WDR44: variants seen among roughly 807,000 people sequenced by gnomAD.
WDR44 encodes WD repeat-containing protein 44.
In WDR44, 9 loss-of-function variants were observed where a neutral mutation model predicts 65.7. The observed-to-expected ratio is 0.14, with a 90% CI of 0.08 to 0.24. The LOEUF (loss-of-function observed/expected upper bound fraction) is 0.24, where lower values mean the gene tolerates loss of function less well. WDR44 is among the 10% of genes least tolerant of loss of function. WDR44 has a pLI of 1.00. For synonymous variants in WDR44, 220 were observed against 235.2 expected, an observed-to-expected ratio of 0.94 and a Z score of 0.59; for missense variants, 425 against 670.9, an observed-to-expected ratio of 0.63 and a Z score of 4.05.
chrX:118,399,786 T>C (rs1489524275), intron 8 of WDR44, among the ~76,000 whole-genome samples: 1 of 111,886 alleles, frequency 8.9e-6, no homozygotes, highest in Non-Finnish European at 1.9e-5. Context: ...AGAAAAATGA[T>C]AAAATAACTC....
intron 13 of WDR44, among the ~76,000 whole-genome samples, chrX:118,434,346 T>C (rs1230806425): frequency 9.0e-6 from 1 of 111,545 alleles, no homozygotes; most frequent in Non-Finnish European, 1.9e-5. Flanking sequence ...AAGAGATAAG[T>C]GCAGAAACCA....
chrX:118,447,760 C>T (rs1462116451), intron 19 of WDR44, among the ~76,000 whole-genome samples: 2 of 106,509 alleles, frequency 1.9e-5, no homozygotes, highest in East Asian at 5.9e-4. Context: ...GTGGCGCATG[C>T]CTGTAGGGAG....
In WDR44 at chrX:118,443,693, T is replaced by A. The variant is rs1569387669; in HGVS notation, c.2512+6T>A. The A allele has an allele frequency of 8.4e-7, 1 of 1,191,316 alleles. No individual in the cohort carries two copies. On this transcript the variant is annotated splice_donor_region_variant and intron_variant, in intron 18 of 19. Coordinates refer to ENST00000254029, the MANE Select transcript of WDR44 (RefSeq NM_019045.5). ...CTTCTGGGAAGGTATTAAAGGTAAG[T>A]ACATACTTGCTTTTGTGTGTCTTAT...
intron 2 of WDR44, chrX:118,386,260 G>A (rs2056764964): frequency 3.6e-6 from 1 of 276,741 alleles, no homozygotes; most frequent in East Asian, 1.1e-4. Context: ...AGTATCAAGA[G>A]TAGCATTCAA....
At chrX:118,396,683 G>T (rs150996806) in intron 6 of WDR44, among the ~76,000 whole-genome samples, 209 of 111,974 alleles carry the variant, frequency 1.9e-3, no homozygotes, top group Admixed American at 0.016. Context: ...AGGTGTGACT[G>T]CTAATGGGTA....
chrX:118,443,436 A>G, intron 17 of WDR44, 124 bp from the exon 18 acceptor site: 2 of 819,924 alleles, frequency 2.4e-6, no homozygotes, highest in South Asian at 2.6e-5. Flanking sequence ...ATGGGTCTAC[A>G]TATTCAACAA....
rs776146022 is a variant in WDR44, at chrX:118,358,576, A to G, written c.77+11996A>G. Among the ~76,000 whole-genome samples, 310 of 111,447 alleles carry G rather than the reference A, an allele frequency of 2.8e-3. 2 individuals carry two copies. Among genetic ancestry groups the G allele is most frequent in the African/African-American group, 9.1e-3 (280 of 30,709 alleles). On this transcript the variant is annotated intron_variant, in intron 1 of 19. Transcript: ENST00000254029. ...AAAAATTATCTGGGCATGATGGCACATGCCTGTAGTCCTAGCTATTTGGGA... is the reference window on the plus strand; with the variant it reads ...AAAAATTATCTGGGCATGATGGCACGTGCCTGTAGTCCTAGCTATTTGGGA...
At chrX:118,424,323 G>GTGTGTGTGTGTATATA (rs1289349202) in intron 12 of WDR44, among the ~76,000 whole-genome samples, 2 of 65,564 alleles carry the variant, frequency 3.1e-5, no homozygotes, top group African/African-American at 2.0e-4. Context: ...GTGTGTGTGT[G>GTGTGTGTGTGTATATA]TATATATATA....
intron 14 of WDR44, among the ~76,000 whole-genome samples, chrX:118,440,710 T>C (rs1340862594): frequency 9.0e-6 from 1 of 111,720 alleles, no homozygotes; most frequent in Non-Finnish European, 1.9e-5. Flanking sequence ...CTGAGAATCA[T>C]GTTTAACTTT....
Position 118,410,945 on chromosome X carries a change from G to A in WDR44, c.1723G>A (p.Asp575Asn). Residue 575 changes from aspartate to asparagine, a missense_variant, in exon 12 of 20, where the codon GAT becomes AAT. Around this residue, in one of 5 missense-constraint regions of WDR44, gnomAD observed 45 missense variants for 50.0 expected, o/e 0.90. Coordinates refer to ENST00000254029, the MANE Select transcript of WDR44 (RefSeq NM_019045.5). ...GGAAAGTCTAAGTTCATCAAAATCG[G>A]ATACAGATACAGGGGTATGCTTATT... ...SQESLSSSKS[D>N]TDTGVCSGTD... is the part of the protein sequence containing the mutation. The A allele has an allele frequency of 8.4e-7, 1 of 1,194,346 alleles. No homozygotes were observed. The highest frequency in any genetic ancestry group is 1.8e-5 in the South Asian group (1 of 54,124).
chrX:118,404,422 A>G lies in WDR44; in HGVS notation c.1359A>G (p.Lys453=). Residue 453 remains lysine, a synonymous_variant, in exon 9 of 20, where the codon AAA becomes AAG. Coordinates refer to ENST00000254029, the MANE Select transcript of WDR44 (RefSeq NM_019045.5). ...AEEYGERAIN[K]VKSVRDEVFH... ...AATATGGTGAACGTGCTATAAATAA[A>G]GTTAAAAGTGTTAGAGATGAAGGTG... 8.3e-7 allele frequency: 1 copy of G among 1,199,364 alleles called. No homozygotes were observed. The highest frequency in any genetic ancestry group is 1.7e-5 in the African/African-American group (1 of 57,553).
rs1457436577 is a variant in WDR44, at chrX:118,449,881, G to C, written c.*894G>C. 1 of 112,109 alleles carries C rather than the reference G, an allele frequency of 8.9e-6. No individual in the cohort carries two copies. Among genetic ancestry groups the C allele is most frequent in the African/African-American group, 3.2e-5 (1 of 30,838 alleles). 9.2% of individuals were successfully genotyped at this position (112,109 alleles called of 1,213,427 possible). A position where few individuals can be genotyped will look rare whatever the true frequency, so the allele number is the denominator to read the frequency against. Reference sequence around the variant, plus strand: ...ATAACATCTGGGGCAATGAAACCCTGATCATGTTGTTGATGGTTAGCATAT... The same window carrying C: ...ATAACATCTGGGGCAATGAAACCCTCATCATGTTGTTGATGGTTAGCATAT... On this transcript the variant is annotated 3_prime_UTR_variant, in exon 20 of 20. Coordinates refer to ENST00000254029, the MANE Select transcript of WDR44 (RefSeq NM_019045.5).
intron 8 of WDR44, among the ~76,000 whole-genome samples, chrX:118,401,379 A>G (rs1383115970): frequency 1.5e-5 from 1 of 65,374 alleles, no homozygotes; most frequent in Non-Finnish European, 2.6e-5. Flanking sequence ...GTGTGAGATG[A>G]TATCTCATAG....
intron 1 of WDR44, among the ~76,000 whole-genome samples, chrX:118,374,111 C>A (rs2056637153): frequency 9.2e-6 from 1 of 108,356 alleles, no homozygotes; most frequent in Non-Finnish European, 1.9e-5. Context: ...CTGACAGGCC[C>A]TGGTGTGTGT....
At chrX:118,446,843 C>A (rs1382494179) in intron 19 of WDR44, among the ~76,000 whole-genome samples, 2 of 109,898 alleles carry the variant, frequency 1.8e-5, no homozygotes, top group Non-Finnish European at 3.8e-5. Context: ...AAGTCATTTA[C>A]GTTTTTTCTT....
At chrX:118,356,198 T>C (rs2056457332) in intron 1 of WDR44, among the ~76,000 whole-genome samples, 1 of 112,164 alleles carries the variant, frequency 8.9e-6, no homozygotes, top group South Asian at 3.7e-4. Context: ...ATTTTAAGCT[T>C]TGACATAATT....
chrX:118,443,476 A>C (rs2057319224), intron 17 of WDR44, 84 bp from the exon 18 acceptor site: 1 of 1,084,080 alleles, frequency 9.2e-7, no homozygotes, highest in African/African-American at 1.8e-5. Context: ...TAGGTATCAC[A>C]AAGTAGGAAG....
intron 13 of WDR44, among the ~76,000 whole-genome samples, chrX:118,435,525 C>T (rs1341835737): frequency 8.9e-6 from 1 of 112,030 alleles, no homozygotes; most frequent in Non-Finnish European, 1.9e-5. Flanking sequence ...TCAAATGATC[C>T]ACCTGCCTCA....
intron 7 of WDR44, 35 bp from the exon 8 acceptor site, chrX:118,398,352 A>C (rs1414493309): frequency 3.5e-6 from 4 of 1,146,669 alleles, no homozygotes; most frequent in Non-Finnish European, 3.6e-6. Flanking sequence ...TATAGAAGAA[A>C]TGGCTTCTTT....
Sources: gnomAD v4.1 joint callset for allele counts (sites outside exome capture counted in the v4.1 genomes callset) on GRCh38, gnomAD v4.1.1 for gene constraint, gnomAD v4.1.1 regional missense constraint, MANE v1.5 for transcripts, NCBI Gene and HGNC (gene_info 2026-07-23, HGNC 2026-07-21) for gene names.